The following ZNRF1 variants were observed in gnomAD, a reference collection of about 807,000 sequenced individuals.
ZNRF1 encodes zinc and ring finger 1.
ZNRF1 carries 3 observed loss-of-function variants against 18.4 expected under a neutral mutation model. The observed-to-expected ratio is 0.16, with a 90% CI of 0.07 to 0.42. The LOEUF (loss-of-function observed/expected upper bound fraction) is 0.42, where lower values mean the gene tolerates loss of function less well. Ranked by LOEUF, ZNRF1 falls within the 10% of genes least tolerant of loss-of-function variation. The probability of loss-of-function intolerance (pLI) is 0.99; values close to 1 mark genes in which losing one functional copy is unlikely to be tolerated. For synonymous variants in ZNRF1, 157 were observed against 144.2 expected, an observed-to-expected ratio of 1.09 and a Z score of -0.64; for missense variants, 310 against 329.8, an observed-to-expected ratio of 0.94 and a Z score of 0.47.
intron 2 of ZNRF1, among the ~76,000 whole-genome samples, chr16:75,098,120 C>T (rs1385146019): frequency 1.3e-5 from 2 of 152,196 alleles, no homozygotes; most frequent in Non-Finnish European, 2.9e-5. Context: ...TCCTGTTACT[C>T]CTCCTACAGG....
chr16:75,058,753 C>G (rs946874533), intron 1 of ZNRF1, among the ~76,000 whole-genome samples: 1 of 152,168 alleles, frequency 6.6e-6, no homozygotes, highest in Non-Finnish European at 1.5e-5. Context: ...ACTCATCTTG[C>G]TCTGCTGGTT....
intron 4 of ZNRF1, 78 bp downstream of exon 4, chr16:75,106,649 G>C (rs572032716): frequency 9.1e-6 from 11 of 1,207,312 alleles, no homozygotes; most frequent in Non-Finnish European, 1.2e-5. Flanking sequence ...TTAGGGAGCC[G>C]GGCTGCCCTT....
chr16:75,010,719 G>GT (rs71158572), intron 1 of ZNRF1, among the ~76,000 whole-genome samples: 944 of 85,052 alleles, frequency 0.011, 26 homozygotes, highest in African/African-American at 0.031. Flanking sequence ...TTGTTTTTTT[G>GT]TTTTTTTTTT....
chr16:75,001,086 G>A (rs1288329075), intron 1 of ZNRF1, among the ~76,000 whole-genome samples: 1 of 152,174 alleles, frequency 6.6e-6, no homozygotes, highest in African/African-American at 2.4e-5. Context: ...TGTGGGGGCC[G>A]CTATTTGCTA....
chr16:75,094,295 G>A (rs187197311), intron 2 of ZNRF1, among the ~76,000 whole-genome samples: 249 of 152,316 alleles, frequency 1.6e-3, no homozygotes, highest in African/African-American at 5.8e-3. Flanking sequence ...TACCTTGGAG[G>A]CTGCCTCAGA....
intron 1 of ZNRF1, among the ~76,000 whole-genome samples, chr16:75,053,022 T>C (rs1597882815): frequency 6.6e-6 from 1 of 152,180 alleles, no homozygotes; most frequent in African/African-American, 2.4e-5. Flanking sequence ...ATGGGGCCTC[T>C]GGATTGGAAG....
chr16:75,071,098 C>CTTTTTTTTTTTTTTTTTTTTT, intron 1 of ZNRF1, among the ~76,000 whole-genome samples: 1 of 143,468 alleles, frequency 7.0e-6, no homozygotes. Flanking sequence ...GCACAGGTGT[C>CTTTTTTTTTTTTTTTTTTTTT]TTTTTTTTTT....
chr16:75,104,300 T>C (rs2036287731), intron 2 of ZNRF1: 2 of 154,046 alleles, frequency 1.3e-5, no homozygotes, highest in Admixed American at 1.3e-4. Context: ...TTTGGGCTGT[T>C]GTGAACAATG....
intron 1 of ZNRF1, among the ~76,000 whole-genome samples, chr16:75,057,516 A>T (rs538023254): frequency 1.3e-5 from 2 of 152,254 alleles, no homozygotes; most frequent in South Asian, 4.2e-4. Flanking sequence ...TGCTATCTTG[A>T]CCGCTTTCAT....
intron 1 of ZNRF1, among the ~76,000 whole-genome samples, chr16:75,066,802 C>G (rs563451477): frequency 6.6e-6 from 1 of 152,228 alleles, no homozygotes; most frequent in South Asian, 2.1e-4. Context: ...CCACCCCTAG[C>G]CTAGATCTAG....
intron 1 of ZNRF1, among the ~76,000 whole-genome samples, chr16:75,022,576 CA>C (rs1268064474): frequency 1.1e-4 from 16 of 150,202 alleles, no homozygotes; most frequent in Non-Finnish European, 1.8e-4. Flanking sequence ...AAAAAAAAAA[CA>C]AAACAAAAAA....
rs2036359918 is a variant in ZNRF1, at chr16:75,109,751, C to T, written c.*2051C>T. The T allele has an allele frequency of 6.6e-6, 1 of 152,284 alleles. No individual in the cohort carries two copies. Among genetic ancestry groups the T allele is most frequent in the Non-Finnish European group, 1.5e-5 (1 of 68,082 alleles). The allele number at this position is 152,284 out of a possible 1,614,324, so 9.4% of individuals were successfully genotyped here. ...TTTCACATGTGAAGCGGGGACAAAA[C>T]CATGCAGCTCAGAGGTCCCTGTGGG... On this transcript the variant is annotated 3_prime_UTR_variant, in exon 5 of 5. Transcript: ENST00000335325.
chr16:75,031,909 G>T (rs1355947086), intron 1 of ZNRF1, among the ~76,000 whole-genome samples: 1 of 152,032 alleles, frequency 6.6e-6, no homozygotes, highest in Non-Finnish European at 1.5e-5. Context: ...TCTTTTTGAG[G>T]AATTGCCAGA....
rs563921598 is a variant in ZNRF1 at position 75,003,558 on chromosome 16, G to A, written c.424+3463G>A. Reference sequence around the variant, plus strand: ...TTAAGGAACTCACACAAGATCAGGTGGTTAGTAGGTGGTGGAGATGGGATT... The same window carrying A: ...TTAAGGAACTCACACAAGATCAGGTAGTTAGTAGGTGGTGGAGATGGGATT... On this transcript the variant is annotated intron_variant, in intron 1 of 4. Coordinates refer to ENST00000335325, the MANE Select transcript of ZNRF1 (RefSeq NM_032268.5). 3.9e-5 allele frequency among the ~76,000 whole-genome samples: 6 copies of A among 152,306 alleles called. No homozygotes were observed. In the South Asian group the frequency reaches 1.2e-3, roughly 32 times the overall value.
At chr16:75,097,757 C>T (rs988882732) in intron 2 of ZNRF1, among the ~76,000 whole-genome samples, 7 of 152,174 alleles carry the variant, frequency 4.6e-5, no homozygotes, top group Non-Finnish European at 8.8e-5. Flanking sequence ...ATTGAGGCAG[C>T]AGTGAGCTTG....
intron 1 of ZNRF1, chr16:75,084,532 A>G (rs1377990562): frequency 6.6e-6 from 1 of 152,192 alleles, no homozygotes; most frequent in African/African-American, 2.4e-5. Flanking sequence ...CCAAGAAGCT[A>G]GAAGATGGTG....
At chr16:75,104,631 G>C in intron 2 of ZNRF1, 153 bp from the exon 3 acceptor site, 1 of 593,854 alleles carries the variant, frequency 1.7e-6, no homozygotes, top group Non-Finnish European at 3.0e-6. Flanking sequence ...AAGTCTTAAG[G>C]TCAACGTCCC....
At chr16:75,095,798 A>G in intron 2 of ZNRF1, 1 of 1,455,232 alleles carries the variant, frequency 6.9e-7, no homozygotes, top group Admixed American at 2.3e-5. Context: ...GGACGCCACC[A>G]TGTGTCCCCC....
At chr16:75,082,251 G>A (rs187388784) in intron 1 of ZNRF1, among the ~76,000 whole-genome samples, 8 of 152,256 alleles carry the variant, frequency 5.3e-5, no homozygotes, top group Admixed American at 1.3e-4. Flanking sequence ...CTGCTTCCCC[G>A]TCATTTCCTT....
Sources: allele counts gnomAD v4.1 joint callset (sites outside exome capture counted in the v4.1 genomes callset), GRCh38; gene constraint gnomAD v4.1.1; transcripts MANE v1.5; gene names NCBI Gene and HGNC (gene_info 2026-07-23, HGNC 2026-07-21).